DLG2: variants seen among roughly 807,000 people sequenced by gnomAD.
DLG2 encodes the protein discs large MAGUK scaffold protein 2, also known as disks large homolog 2.
A neutral mutation model predicts 132.5 loss-of-function variants in DLG2; 45 were observed. That is an observed-to-expected ratio of 0.34 (90% CI 0.27 to 0.44). The LOEUF is 0.44. DLG2 is among the 20% of genes least tolerant of loss of function. The probability of loss-of-function intolerance (pLI) is 1.00; values close to 1 mark genes in which losing one functional copy is unlikely to be tolerated. For synonymous variants in DLG2, 424 were observed against 419.6 expected, an observed-to-expected ratio of 1.01 and a Z score of -0.13; for missense variants, 1,045 against 1,196.9, an observed-to-expected ratio of 0.87 and a Z score of 1.87.
At chr11:84,428,280 A>G (rs2154471813) in intron 7 of DLG2, among the ~76,000 whole-genome samples, 1 of 152,328 alleles carries the variant, frequency 6.6e-6, no homozygotes, top group African/African-American at 2.4e-5. Flanking sequence ...TATTTTGAAT[A>G]AAAAAGAACA....
chr11:84,038,696 T>A (rs1420543896), intron 11 of DLG2, among the ~76,000 whole-genome samples: 3 of 152,088 alleles, frequency 2.0e-5, no homozygotes, highest in Admixed American at 2.0e-4. Flanking sequence ...GTTAGTCTGT[T>A]CTCACACTAC....
chr11:85,532,821 CAAGTA>C (rs1436620226), intron 3 of DLG2, among the ~76,000 whole-genome samples: 1 of 152,144 alleles, frequency 6.6e-6, no homozygotes, highest in African/African-American at 2.4e-5. Flanking sequence ...GTAAGGATTG[CAAGTA>C]AATTGTCCTG....
chr11:85,001,579 C>A (rs1223178263), intron 6 of DLG2, among the ~76,000 whole-genome samples: 1 of 152,052 alleles, frequency 6.6e-6, no homozygotes, highest in Non-Finnish European at 1.5e-5. Flanking sequence ...GCCTGATTGA[C>A]AATTAGCTTT....
At chr11:85,162,450 A>G (rs985438786) in intron 4 of DLG2, among the ~76,000 whole-genome samples, 1 of 152,222 alleles carries the variant, frequency 6.6e-6, no homozygotes, top group African/African-American at 2.4e-5. Context: ...AAGGGAATAC[A>G]GAATGGTTAG....
intron 6 of DLG2, among the ~76,000 whole-genome samples, chr11:84,861,640 C>CAAAAAAAAAAAAAAAAAAAAAAA (rs1248486704): frequency 6.6e-5 from 5 of 75,672 alleles, no homozygotes; most frequent in Non-Finnish European, 9.4e-5. Context: ...AAAAAAAAAA[C>CAAAAAAAAAAAAAAAAAAAAAAA]AAAAAAAAAA....
At position 85,554,246 on chromosome 11, in the gene DLG2, G is replaced by A. The variant is rs1456688757; in HGVS notation, c.40+44411C>T. ...AATTGAGTATTTGAAAACAATAGTC[G>A]TCGTCAAACTTCTGATAGTATTGAA... is the stretch of plus-strand genomic sequence containing the variant. On this transcript the variant is annotated intron_variant, in intron 3 of 27. Coordinates refer to ENST00000376104, the MANE Select transcript of DLG2 (RefSeq NM_001142699.3). Among the ~76,000 whole-genome samples, 7 of 151,582 alleles carry A rather than the reference G, an allele frequency of 4.6e-5. 1 individual carries two copies. The highest frequency in any genetic ancestry group is 3.4e-3 in the Middle Eastern group (1 of 294).
intron 14 of DLG2, among the ~76,000 whole-genome samples, chr11:83,931,746 C>G (rs1280574100): frequency 6.6e-6 from 1 of 152,106 alleles, no homozygotes; most frequent in African/African-American, 2.4e-5. Flanking sequence ...ATAATATTAT[C>G]GTTTGATTCA....
chr11:84,373,951 T>C lies in DLG2; in HGVS notation c.520-122660A>G, dbSNP rs535341163. On this transcript the variant is annotated intron_variant, in intron 7 of 27. Coordinates refer to ENST00000376104, the MANE Select transcript of DLG2 (RefSeq NM_001142699.3). ...TTCTCATTTCTGCTTTGTAAAAATG[T>C]ATATGAAAAGTTATTTTGAGCTTCT... Among the ~76,000 whole-genome samples, 12 of 152,326 alleles carry C rather than the reference T, an allele frequency of 7.9e-5. No homozygotes were observed. In the South Asian group the frequency reaches 2.1e-3, roughly 26 times the overall value.
intron 6 of DLG2, among the ~76,000 whole-genome samples, chr11:84,746,968 T>C (rs928824943): frequency 5.9e-5 from 9 of 152,148 alleles, no homozygotes; most frequent in Admixed American, 1.3e-4. Context: ...AAGAACCCCA[T>C]GGAAATTCTT....
intron 6 of DLG2, among the ~76,000 whole-genome samples, chr11:84,571,291 C>T (rs1442883898): frequency 6.6e-6 from 1 of 151,706 alleles, no homozygotes; most frequent in African/African-American, 2.4e-5. Flanking sequence ...TCTTCCTCTT[C>T]ATTTCCATCT....
At chr11:84,876,187 A>G (rs2154050073) in intron 6 of DLG2, among the ~76,000 whole-genome samples, 1 of 152,330 alleles carries the variant, frequency 6.6e-6, no homozygotes, top group East Asian at 1.9e-4. Flanking sequence ...TCTCTTTTTG[A>G]TATAGCAAGC....
chr11:84,148,404 TATC>T (rs1355283760), intron 9 of DLG2, among the ~76,000 whole-genome samples: 1 of 152,090 alleles, frequency 6.6e-6, no homozygotes, highest in Non-Finnish European at 1.5e-5. Flanking sequence ...GTTCCCCAGT[TATC>T]TATTGTTCCC....
chr11:85,021,380 G>T, intron 6 of DLG2: 1 of 1,347,106 alleles, frequency 7.4e-7, no homozygotes, highest in South Asian at 1.2e-5. Flanking sequence ...GCTTTTCCTC[G>T]GTTCACTTTT....
At chr11:85,210,022 G>T (rs2082158088) in intron 4 of DLG2, among the ~76,000 whole-genome samples, 1 of 151,898 alleles carries the variant, frequency 6.6e-6, no homozygotes, top group African/African-American at 2.4e-5. Flanking sequence ...AATAACACCT[G>T]CCCTCATCAT....
At chr11:84,273,969 A>G (rs866641664) in intron 7 of DLG2, among the ~76,000 whole-genome samples, 8 of 152,220 alleles carry the variant, frequency 5.3e-5, no homozygotes, top group Admixed American at 4.6e-4. Context: ...TATATTGAAG[A>G]AAAGTCACTT....
chr11:85,105,005 G>T (rs2152293139), intron 6 of DLG2, among the ~76,000 whole-genome samples: 1 of 151,560 alleles, frequency 6.6e-6, no homozygotes, highest in Middle Eastern at 3.4e-3. Flanking sequence ...TACAGAAAGA[G>T]GAAGCTGGGG....
intron 16 of DLG2, among the ~76,000 whole-genome samples, chr11:83,867,482 T>G (rs1309653510): frequency 6.6e-6 from 1 of 152,184 alleles, no homozygotes; most frequent in Non-Finnish European, 1.5e-5. Context: ...CAGTACTCTG[T>G]ATTCTTCGAT....
At chr11:83,499,823 G>T (rs2094351614) in intron 21 of DLG2, among the ~76,000 whole-genome samples, 1 of 102,346 alleles carries the variant, frequency 9.8e-6, no homozygotes, top group Non-Finnish European at 2.0e-5. Flanking sequence ...TCCTCTAATA[G>T]GATATATATA....
At chr11:84,313,713 GAAGA>G (rs925911041) in intron 7 of DLG2, among the ~76,000 whole-genome samples, 1 of 143,142 alleles carries the variant, frequency 7.0e-6, no homozygotes, top group African/African-American at 2.6e-5. Flanking sequence ...GAAAGGAAAG[GAAGA>G]AAGAAAGACA....
Sources: allele counts gnomAD v4.1 joint callset (sites outside exome capture counted in the v4.1 genomes callset), GRCh38; gene constraint gnomAD v4.1.1; transcripts MANE v1.5; gene names NCBI Gene and HGNC (gene_info 2026-07-23, HGNC 2026-07-21).